The following CRPPA variants were observed in gnomAD, a reference collection of about 807,000 sequenced individuals.
The protein encoded by CRPPA is CDP-L-ribitol pyrophosphorylase A.
In CRPPA, 43 loss-of-function variants were observed where a neutral mutation model predicts 52.0. That is an observed-to-expected ratio of 0.83 (90% CI 0.65 to 1.07). The LOEUF is 1.07. CRPPA is among the 50% of genes least tolerant of loss of function. The pLI is 0.00. For missense variants in CRPPA, 629 were observed against 551.7 expected, an observed-to-expected ratio of 1.14 and a Z score of -1.40; for synonymous variants, 250 against 203.5, an observed-to-expected ratio of 1.23 and a Z score of -1.94.
At chr7:16,129,208 A>G (rs77036983) in intron 9 of CRPPA, among the ~76,000 whole-genome samples, 3,302 of 152,118 alleles carry the variant, frequency 0.022, 122 homozygotes, top group African/African-American at 0.074. Flanking sequence ...ACATGTCCTC[A>G]TGTATGTTGC....
chr7:16,308,465 C>A (rs925376519), intron 4 of CRPPA, 58 bp downstream of exon 4: 2 of 905,490 alleles, frequency 2.2e-6, no homozygotes, highest in Non-Finnish European at 3.6e-6. Flanking sequence ...TAAATGTACA[C>A]ACACGCAAAC....
At chr7:16,143,969 G>A (rs533559019) in intron 9 of CRPPA, among the ~76,000 whole-genome samples, 20 of 152,318 alleles carry the variant, frequency 1.3e-4, no homozygotes, top group South Asian at 2.1e-4. Flanking sequence ...AGGTCCTCAC[G>A]CTGAATTCGT....
At chr7:16,118,965 T>A (rs528639124) in intron 9 of CRPPA, among the ~76,000 whole-genome samples, 2 of 152,108 alleles carry the variant, frequency 1.3e-5, no homozygotes, top group Admixed American at 1.3e-4. Context: ...AGATCAGAGA[T>A]AGGAGGAGGA....
chr7:16,411,269 G>A (rs948149524), intron 1 of CRPPA, among the ~76,000 whole-genome samples: 7 of 152,038 alleles, frequency 4.6e-5, no homozygotes, highest in African/African-American at 1.4e-4. Context: ...GAAACTAAGG[G>A]ACCAAGCTGT....
At chr7:16,183,817 T>C (rs1408992863) in intron 9 of CRPPA, among the ~76,000 whole-genome samples, 1 of 152,170 alleles carries the variant, frequency 6.6e-6, no homozygotes, top group Non-Finnish European at 1.5e-5. Flanking sequence ...GTTTGGTCTT[T>C]TCCCTGAAAA....
At chr7:16,337,624 C>T (rs1453968881) in intron 3 of CRPPA, among the ~76,000 whole-genome samples, 1 of 151,930 alleles carries the variant, frequency 6.6e-6, no homozygotes, top group African/African-American at 2.4e-5. Context: ...AATTAGAAAA[C>T]TCCTTAGCTA....
chr7:16,290,332 C>A (rs1326934089), intron 5 of CRPPA, among the ~76,000 whole-genome samples: 5 of 151,650 alleles, frequency 3.3e-5, no homozygotes, highest in Non-Finnish European at 5.9e-5. Flanking sequence ...CACAATAGAT[C>A]CCAAATAGCC....
At chr7:16,303,108 G>GT (rs890754722) in intron 4 of CRPPA, among the ~76,000 whole-genome samples, 7 of 152,132 alleles carry the variant, frequency 4.6e-5, no homozygotes, top group Non-Finnish European at 1.0e-4. Context: ...AAATTCACTA[G>GT]TTTTGGTTGG....
At chr7:16,173,702 A>C (rs549348386) in intron 9 of CRPPA, among the ~76,000 whole-genome samples, 1 of 152,310 alleles carries the variant, frequency 6.6e-6, no homozygotes, top group South Asian at 2.1e-4. Flanking sequence ...TGTAGGAATT[A>C]GTTAACAAAG....
intron 3 of CRPPA, among the ~76,000 whole-genome samples, chr7:16,357,898 G>A (rs1427916433): frequency 2.0e-5 from 3 of 152,118 alleles, no homozygotes; most frequent in Non-Finnish European, 1.5e-5. Flanking sequence ...GTTGGTGCGT[G>A]GTCAGCAGGC....
chr7:16,197,506 AT>A (rs931951843), intron 9 of CRPPA, among the ~76,000 whole-genome samples: 264 of 141,894 alleles, frequency 1.9e-3, no homozygotes, highest in Middle Eastern at 3.7e-3. Context: ...CTTGCGCAGC[AT>A]TTTTTTTTTT....
chr7:16,224,164 G>T (rs1359875548), intron 8 of CRPPA, among the ~76,000 whole-genome samples: 1 of 151,972 alleles, frequency 6.6e-6, no homozygotes. Flanking sequence ...TTTGGAAAAG[G>T]CTCCTCTGTG....
At chr7:16,380,281 C>A (rs1787042955) in intron 2 of CRPPA, among the ~76,000 whole-genome samples, 1 of 151,118 alleles carries the variant, frequency 6.6e-6, no homozygotes, top group African/African-American at 2.4e-5. Context: ...TGTTTATATG[C>A]TGGATTACAT....
chr7:16,369,394 T>C (rs1232135012), intron 3 of CRPPA, among the ~76,000 whole-genome samples: 1 of 152,204 alleles, frequency 6.6e-6, no homozygotes, highest in Non-Finnish European at 1.5e-5. Flanking sequence ...TTCTAAGTTA[T>C]GAGTTGATTT....
intron 9 of CRPPA, chr7:16,209,013 G>A (rs1432829801): frequency 2.3e-6 from 1 of 434,290 alleles, no homozygotes. Flanking sequence ...CCCATGAAGT[G>A]ACACAGGGCA....
At chr7:16,324,840 C>T (rs572559650) in intron 3 of CRPPA, among the ~76,000 whole-genome samples, 13 of 152,284 alleles carry the variant, frequency 8.5e-5, no homozygotes, top group African/African-American at 3.1e-4. Context: ...ATACTTGGAA[C>T]ATCAAATGAG....
chr7:16,264,513 T>A (rs959747699), intron 6 of CRPPA, among the ~76,000 whole-genome samples: 3 of 152,206 alleles, frequency 2.0e-5, no homozygotes, highest in African/African-American at 7.2e-5. Flanking sequence ...AAAGATGGAT[T>A]GTCAAAAAAG....
intron 5 of CRPPA, among the ~76,000 whole-genome samples, chr7:16,289,819 T>C (rs928584104): frequency 4.0e-4 from 61 of 152,116 alleles, no homozygotes; most frequent in Admixed American, 1.2e-3. Context: ...CTGGAAGTCC[T>C]AGCCAGAACA....
chr7:16,391,738 T>C (rs529479726), intron 2 of CRPPA, among the ~76,000 whole-genome samples: 1 of 152,176 alleles, frequency 6.6e-6, no homozygotes, highest in Non-Finnish European at 1.5e-5. Context: ...TGCCCTAGAA[T>C]GTTCACTCCA....
Sources: gnomAD v4.1 joint callset for allele counts (sites outside exome capture counted in the v4.1 genomes callset) on GRCh38, gnomAD v4.1.1 for gene constraint, MANE v1.5 for transcripts, NCBI Gene and HGNC (gene_info 2026-07-23, HGNC 2026-07-21) for gene names.